DTD1: variants seen among roughly 807,000 people sequenced by gnomAD.
The protein encoded by DTD1 is D-aminoacyl-tRNA deacylase 1.
DTD1 carries 13 observed loss-of-function variants against 25.6 expected under a neutral mutation model. The ratio of observed to expected loss-of-function variants is 0.51; its 90% CI spans 0.33 to 0.81. The LOEUF is 0.81. Ranked by LOEUF, DTD1 falls within the 30% of genes least tolerant of loss-of-function variation. The pLI, the probability that DTD1 is intolerant of heterozygous loss-of-function variation, is 0.02. For missense variants in DTD1, 193 were observed against 266.4 expected (o/e 0.72, Z 1.92); for synonymous variants, 110 against 103.6 (o/e 1.06, Z -0.37).
chr20:18,708,252 T>TATTA (rs1555801971), intron 4 of DTD1, among the ~76,000 whole-genome samples: 4 of 31,792 alleles, frequency 1.3e-4, no homozygotes, highest in Admixed American at 5.8e-4. Context: ...ATAATATATA[T>TATTA]TATATATATA....
chr20:18,607,185 G>T (rs1256998967), intron 3 of DTD1, among the ~76,000 whole-genome samples: 2 of 152,038 alleles, frequency 1.3e-5, no homozygotes, highest in Non-Finnish European at 2.9e-5. Context: ...CTGTATTAAT[G>T]AGAGGTATTG....
At chr20:18,667,990 T>C (rs1172118491) in intron 4 of DTD1, among the ~76,000 whole-genome samples, 2 of 152,214 alleles carry the variant, frequency 1.3e-5, no homozygotes. Flanking sequence ...CGTTAAACTG[T>C]CTGCACATGT....
intron 5 of DTD1, among the ~76,000 whole-genome samples, chr20:18,762,226 A>G (rs2061365832): frequency 6.6e-6 from 1 of 152,232 alleles, no homozygotes; most frequent in South Asian, 2.1e-4. Context: ...GCCATGGCAT[A>G]TTGAGTCGTA....
At chr20:18,720,041 G>A (rs1421454233) in intron 4 of DTD1, among the ~76,000 whole-genome samples, 1 of 152,164 alleles carries the variant, frequency 6.6e-6, no homozygotes, top group Non-Finnish European at 1.5e-5. Context: ...AGCCTCACTG[G>A]TATAAAAGGA....
At chr20:18,739,752 A>AAG in intron 4 of DTD1, among the ~76,000 whole-genome samples, 1 of 152,208 alleles carries the variant, frequency 6.6e-6, no homozygotes, top group African/African-American at 2.4e-5. Context: ...TCCTTAAAAA[A>AAG]AAAAATCCAG....
At chr20:18,616,461 C>G (rs1421499388) in intron 3 of DTD1, among the ~76,000 whole-genome samples, 1 of 152,054 alleles carries the variant, frequency 6.6e-6, no homozygotes, top group Non-Finnish European at 1.5e-5. Flanking sequence ...TGCCAGTTCT[C>G]CCTTCCCCTA....
At chr20:18,708,309 T>TA (rs1375794679) in intron 4 of DTD1, among the ~76,000 whole-genome samples, 2 of 44,112 alleles carry the variant, frequency 4.5e-5, no homozygotes, top group Non-Finnish European at 8.4e-5. Context: ...TATATATATT[T>TA]TATATATATA....
chr20:18,633,854 C>T (rs780358993), intron 4 of DTD1, among the ~76,000 whole-genome samples: 17 of 152,176 alleles, frequency 1.1e-4, no homozygotes, highest in Non-Finnish European at 1.8e-4. Flanking sequence ...CTAACTGGAC[C>T]GCTGCTTGTT....
intron 4 of DTD1, among the ~76,000 whole-genome samples, chr20:18,677,229 C>T (rs910920223): frequency 2.0e-5 from 3 of 151,858 alleles, no homozygotes; most frequent in African/African-American, 7.2e-5. Flanking sequence ...TTCTACAGAC[C>T]GAAAGAAAAC....
chr20:18,588,855 G>T, intron 1 of DTD1: 1 of 985,398 alleles, frequency 1.0e-6, no homozygotes, highest in Non-Finnish European at 1.2e-6. Context: ...GATTAGTGTA[G>T]ATAAAGTAGT....
At chr20:18,681,099 G>A (rs2060995097) in intron 4 of DTD1, among the ~76,000 whole-genome samples, 1 of 152,184 alleles carries the variant, frequency 6.6e-6, no homozygotes, top group Non-Finnish European at 1.5e-5. Flanking sequence ...GTTGTTGTGT[G>A]TTTCTACGCC....
chr20:18,722,333 A>G (rs539839052), intron 4 of DTD1, among the ~76,000 whole-genome samples: 19 of 152,256 alleles, frequency 1.2e-4, no homozygotes, highest in Admixed American at 6.5e-4. Context: ...CCACTTGGCT[A>G]GGAGCCAGTG....
intron 4 of DTD1, among the ~76,000 whole-genome samples, chr20:18,674,137 A>G (rs868099806): frequency 2.0e-5 from 3 of 152,156 alleles, no homozygotes; most frequent in Middle Eastern, 3.2e-3. Flanking sequence ...TAATATACAG[A>G]GAAACTGTTG....
chr20:18,588,057 C>T lies in DTD1; in HGVS notation c.-16C>T, dbSNP rs11545152. The T allele has an allele frequency of 2.9e-6, 4 of 1,400,656 alleles. No individual in the cohort carries two copies. Among genetic ancestry groups the T allele is most frequent in the Non-Finnish European group, 3.7e-6 (4 of 1,083,256 alleles). The allele number at this position is 1,400,656 out of a possible 1,614,324, so 86.8% of individuals were successfully genotyped here. On this transcript the variant is annotated 5_prime_UTR_variant, in exon 1 of 6. Transcript: ENST00000377452. ...GGACGCAGCGCGGCGCCGCCCCACT[C>T]GCCCCAGCCGCCGCCATGAAGGCCG... is the stretch of plus-strand genomic sequence containing the variant.
At position 18,730,669 on chromosome 20, in the gene DTD1, T is replaced by G. The variant is rs117028442; in HGVS notation, c.478-13431T>G. Among the ~76,000 whole-genome samples the G allele has an allele frequency of 3.2e-3, 486 of 152,348 alleles. 2 individuals are homozygous for G. Among genetic ancestry groups the G allele is most frequent in the Admixed American group, 7.5e-3 (115 of 15,304 alleles). On this transcript the variant is annotated intron_variant, in intron 4 of 5. Transcript: ENST00000377452. ...AGCTTGATTATCTTCTCGTTTGCAT[T>G]TTATATTTTCTCATTCAAGAATTAG...
At chr20:18,679,374 A>G (rs2060988087) in intron 4 of DTD1, among the ~76,000 whole-genome samples, 1 of 152,252 alleles carries the variant, frequency 6.6e-6, no homozygotes, top group Non-Finnish European at 1.5e-5. Flanking sequence ...TGAGGTTTAC[A>G]TGACGTGCAT....
At chr20:18,750,194 G>T (rs753259780) in intron 5 of DTD1, among the ~76,000 whole-genome samples, 1 of 152,152 alleles carries the variant, frequency 6.6e-6, no homozygotes, top group Non-Finnish European at 1.5e-5. Flanking sequence ...GCATTCCAAT[G>T]ATATATTTGG....
At chr20:18,589,275 C>T (rs2060579589) in intron 1 of DTD1, among the ~76,000 whole-genome samples, 2 of 152,000 alleles carry the variant, frequency 1.3e-5, no homozygotes, top group South Asian at 2.1e-4. Flanking sequence ...CGCTTGAACC[C>T]GGGAGGCAGA....
intron 4 of DTD1, among the ~76,000 whole-genome samples, chr20:18,732,269 A>G (rs1362740539): frequency 1.3e-5 from 2 of 152,256 alleles, no homozygotes; most frequent in Non-Finnish European, 2.9e-5. Flanking sequence ...GCTCATGAAC[A>G]GTGTTCTGTT....
Sources: gnomAD v4.1 joint callset for allele counts (sites outside exome capture counted in the v4.1 genomes callset) on GRCh38, gnomAD v4.1.1 for gene constraint, MANE v1.5 for transcripts, NCBI Gene and HGNC (gene_info 2026-07-23, HGNC 2026-07-21) for gene names.